Variants in HEATR9 observed in about 807,000 individuals in gnomAD.
HEATR9 encodes the protein protein HEATR9.
In HEATR9, 54 loss-of-function variants were observed where a neutral mutation model predicts 68.2. The ratio of observed to expected loss-of-function variants is 0.79; its 90% CI spans 0.64 to 0.99. The LOEUF is 0.99. Among genes scored for constraint, HEATR9 ranks in the 50% least tolerant of loss-of-function variants. The pLI, the probability that HEATR9 is intolerant of heterozygous loss-of-function variation, is 0.00. For synonymous variants in HEATR9, 241 were observed against 253.5 expected, an observed-to-expected ratio of 0.95 and a Z score of 0.47; for missense variants, 662 against 679.7, an observed-to-expected ratio of 0.97 and a Z score of 0.29.
chr17:35,864,622 T>A (rs1004576006), intron 4 of HEATR9, 69 bp from the exon 5 acceptor site: 1 of 1,586,458 alleles, frequency 6.3e-7, no homozygotes, highest in African/African-American at 1.4e-5. Flanking sequence ...TAAAGGGAGC[T>A]CATCCAATCC....
chr17:35,855,440 C>T (rs1165070247), intron 14 of HEATR9, 30 bp from the exon 15 acceptor site: 5 of 1,591,154 alleles, frequency 3.1e-6, no homozygotes, highest in Non-Finnish European at 4.3e-6. Context: ...CTAGTGCTGG[C>T]TCACTTTGGG....
chr17:35,855,413 G>T lies in HEATR9; in HGVS notation c.1366-3C>A. 6.2e-7 allele frequency: 1 copy of T among 1,609,404 alleles called. No individual in the cohort carries two copies. Among genetic ancestry groups the T allele is most frequent in the Non-Finnish European group, 8.5e-7 (1 of 1,176,510 alleles). The stretch of plus-strand genomic sequence containing the variant: ...CAAAGGATTAATGTTTCTTGTAGCT[G>T]CATTGAAACAAAGGTCCTAGTGCTG... On this transcript the variant is annotated splice_region_variant and splice_polypyrimidine_tract_variant and intron_variant, in intron 14 of 14. Coordinates refer to ENST00000604834, the MANE Select transcript of HEATR9 (RefSeq NM_152781.4).
chr17:35,860,200 CAG>C (rs1344842900), intron 8 of HEATR9, among the ~76,000 whole-genome samples: 1 of 149,626 alleles, frequency 6.7e-6, no homozygotes, highest in Non-Finnish European at 1.5e-5. Flanking sequence ...ATCGAGACCA[CAG>C]TGAAACCCCA....
At position 35,868,213 on chromosome 17, in the gene HEATR9, T is replaced by G. The variant is rs560979104; in HGVS notation, c.88+442A>C. Among the ~76,000 whole-genome samples, 4 of 152,282 alleles carry G rather than the reference T, an allele frequency of 2.6e-5. No homozygotes were observed. The South Asian group carries it at 8.3e-4, about 32-fold the overall frequency. The stretch of plus-strand genomic sequence containing the variant: ...AGGGAAACAAATGTGAAGATAGATG[T>G]AGACACAGGTGGTAAACATGAGGGG... On this transcript the variant is annotated intron_variant, in intron 1 of 14. Transcript: ENST00000604834.
chr17:35,855,732 T>G lies in HEATR9; in HGVS notation c.1297A>C (p.Ser433Arg). The G allele has an allele frequency of 6.2e-7, 1 of 1,614,010 alleles. No individual in the cohort carries two copies. The highest frequency in any genetic ancestry group is 8.5e-7 in the Non-Finnish European group (1 of 1,180,000). ...VISLGVLGIR[S>R]PQVFHLLLDL... is the part of the protein sequence containing the mutation. ...AGGAGCAAGTGGAACACTTGTGGACTGCGGATCCCCAGGACACCCTGGCAG... is the reference window on the plus strand; with the variant it reads ...AGGAGCAAGTGGAACACTTGTGGACGGCGGATCCCCAGGACACCCTGGCAG... The change falls in exon 14 of 15, where the codon AGT becomes CGT. Residue 433 changes from serine to arginine, a missense_variant. Ser to Arg is a moderately radical substitution (Grantham distance 110). Coordinates refer to ENST00000604834, the MANE Select transcript of HEATR9 (RefSeq NM_152781.4).
At chr17:35,858,790 C>A in intron 9 of HEATR9, 98 bp downstream of exon 9, 1 of 1,342,874 alleles carries the variant, frequency 7.4e-7, no homozygotes, top group Non-Finnish European at 1.0e-6. Context: ...ACAGAGGATC[C>A]TGCAGTGCTC....
At chr17:35,864,616 G>A in intron 4 of HEATR9, 63 bp from the exon 5 acceptor site, 1 of 1,592,252 alleles carries the variant, frequency 6.3e-7, no homozygotes, top group Non-Finnish European at 8.6e-7. Context: ...TCAAACTAAA[G>A]GGAGCTCATC....
intron 8 of HEATR9, chr17:35,861,223 T>C (rs2087979409): frequency 6.3e-7 from 1 of 1,589,912 alleles, no homozygotes; most frequent in Admixed American, 1.7e-5. Context: ...TAGCTCTTTA[T>C]TTTTCTACAA....
chr17:35,868,804 T>TG lies in HEATR9; in HGVS notation c.-63dup, dbSNP rs2088302436. On this transcript the variant is annotated 5_prime_UTR_variant, in exon 1 of 15. Coordinates refer to ENST00000604834, the MANE Select transcript of HEATR9 (RefSeq NM_152781.4). ...GGGGAATACAAGGCTTTTAGGGGAG[T>TG]GGGGGCACAGCTGGAGGAGACCTGT... The TG allele has an allele frequency of 3.4e-5, 50 of 1,453,414 alleles. 1 individual carries two copies. In the South Asian group the frequency reaches 5.6e-4, roughly 16 times the overall value. 90.0% of individuals were successfully genotyped at this position (1,453,414 alleles called of 1,614,324 possible).
chr17:35,861,486 C>T, intron 8 of HEATR9: 2 of 1,353,322 alleles, frequency 1.5e-6, no homozygotes, highest in East Asian at 2.3e-5. Context: ...ATCTGAACAC[C>T]TTGCAGTCGT....
chr17:35,865,453 G>C, intron 2 of HEATR9, 57 bp from the exon 3 acceptor site: 1 of 1,400,006 alleles, frequency 7.1e-7, no homozygotes, highest in Non-Finnish European at 9.9e-7. Flanking sequence ...TTACTTGTGA[G>C]GGTATGGGGA....
chr17:35,862,904 A>G (rs774237364), intron 8 of HEATR9, 91 bp downstream of exon 8: 6 of 1,554,134 alleles, frequency 3.9e-6, no homozygotes, highest in South Asian at 2.3e-5. Context: ...AAGCTGTGCT[A>G]GGTTACCTTC....
rs767369364 is a variant in HEATR9, at chr17:35,856,148, G to A, written c.1278+25C>T. ...CCCCTGCCATCAACACAGGAATTGG[G>A]TCAGAGAAGCAGAGCCTGCCTTACC... On this transcript the variant is annotated intron_variant, in intron 13 of 14. Transcript: ENST00000604834. 9.3e-6 allele frequency: 15 copies of A among 1,611,224 alleles called. No individual in the cohort carries two copies. The East Asian group carries it at 3.3e-4, about 36-fold the overall frequency.
intron 2 of HEATR9, among the ~76,000 whole-genome samples, chr17:35,866,182 A>G (rs140772623): frequency 6.6e-6 from 1 of 152,136 alleles, no homozygotes; most frequent in East Asian, 1.9e-4. Flanking sequence ...AGTGATTGGC[A>G]TAAGTTCAAA....
chr17:35,865,015 A>G, intron 3 of HEATR9, 125 bp from the exon 4 acceptor site: 1 of 1,397,482 alleles, frequency 7.2e-7, no homozygotes, highest in Admixed American at 1.7e-5. Flanking sequence ...ACAGATGAGG[A>G]CTCAGTGATA....
rs549901387 is a variant in HEATR9 at position 35,860,124 on chromosome 17, C to T, written c.757-1054G>A. On this transcript the variant is annotated intron_variant, in intron 8 of 14. Transcript: ENST00000604834. ...AACATTGCTATTTTTCGGCCGGGCA[C>T]GGTGGCTTACGCCTGTAATCCCAGC... Among the ~76,000 whole-genome samples the T allele has an allele frequency of 7.2e-5, 11 of 151,982 alleles. No individual in the cohort carries two copies. In the East Asian group the frequency reaches 1.6e-3, roughly 21 times the overall value.
chr17:35,856,693 A>G, intron 12 of HEATR9, 39 bp downstream of exon 12: 1 of 1,551,672 alleles, frequency 6.4e-7, no homozygotes, highest in Non-Finnish European at 8.8e-7. Context: ...CCCTTCCCAC[A>G]GCCTAGGATT....
chr17:35,864,183 A>C, intron 6 of HEATR9, 63 bp downstream of exon 6: 1 of 1,409,428 alleles, frequency 7.1e-7, no homozygotes, highest in Non-Finnish European at 1.0e-6. Flanking sequence ...GTCTGTGCCC[A>C]CATGCCACAC....
At position 35,858,491 on chromosome 17, in the gene HEATR9, T is replaced by G. The variant is rs765152384; in HGVS notation, c.974A>C (p.His325Pro). Residue 325 changes from histidine (H) to proline (P), a missense_variant, in exon 10 of 15, where the codon CAC becomes CCC. Physicochemically the swap from His to Pro is moderately conservative, Grantham distance 77 (BLOSUM62 -2). Transcript: ENST00000604834. ...LRMLVKVMHV[H>P]SAPVIKAILD... is the part of the protein sequence containing the mutation. ...GATGGCCTTGATGACTGGGGCTGAG[T>G]GCACGTGCATCACCTTGACCAGCAT... 1 of 1,613,700 alleles carries G rather than the reference T, an allele frequency of 6.2e-7. No homozygotes were observed. The highest frequency in any genetic ancestry group is 1.7e-5 in the Admixed American group (1 of 59,976).
Sources: allele counts gnomAD v4.1 joint callset (sites outside exome capture counted in the v4.1 genomes callset), GRCh38; gene constraint gnomAD v4.1.1; transcripts MANE v1.5; gene names NCBI Gene and HGNC (gene_info 2026-07-23, HGNC 2026-07-21).